CR2: variants seen among roughly 807,000 people sequenced by gnomAD.
CR2 encodes the protein complement receptor type 2.
Under a neutral mutation model 123.0 loss-of-function variants are expected in CR2, and 96 were observed. The observed-to-expected ratio is 0.78, with a 90% CI of 0.66 to 0.93. The LOEUF (loss-of-function observed/expected upper bound fraction) is 0.93, where lower values mean the gene tolerates loss of function less well. CR2 is among the 40% of genes least tolerant of loss of function. The pLI is 0.00. For synonymous variants in CR2, 484 were observed against 469.5 expected (o/e 1.03, Z -0.40); for missense variants, 1,258 against 1,361.0 (o/e 0.92, Z 1.19).
intron 1 of CR2, among the ~76,000 whole-genome samples, chr1:207,455,751 T>G (rs944679696): frequency 2.6e-5 from 4 of 152,232 alleles, no homozygotes; most frequent in Non-Finnish European, 4.4e-5. Flanking sequence ...CACCTATTTC[T>G]AAATTTCAAA....
chr1:207,488,534 G>C (rs1426339051), intron 19 of CR2, among the ~76,000 whole-genome samples: 1 of 152,186 alleles, frequency 6.6e-6, no homozygotes, highest in African/African-American at 2.4e-5. Context: ...TGAGGCAGGA[G>C]AATTGCTTGA....
intron 14 of CR2, among the ~76,000 whole-genome samples, chr1:207,475,678 C>T (rs551519783): frequency 6.6e-6 from 1 of 152,306 alleles, no homozygotes; most frequent in African/African-American, 2.4e-5. Context: ...TTATTCCTGT[C>T]CATGACTATC....
At position 207,469,837 on chromosome 1, in the gene CR2, G is replaced by C. The variant is rs1201556966; in HGVS notation, c.960G>C (p.Glu320Asp). Residue 320 changes from glutamate (E) to aspartate (D), a missense_variant, in exon 6 of 20, where the codon GAG becomes GAC. Glu to Asp is a conservative substitution (Grantham distance 45). Transcript: ENST00000367057. ...EEGVNFILIG[E>D]STLRCTVDSQ... ...GAGTGAACTTCATCCTTATTGGAGA[G>C]AGCACTCTCCGTTGTACAGTTGATA... is the stretch of plus-strand genomic sequence containing the variant. 6.2e-7 allele frequency: 1 copy of C among 1,613,866 alleles called. No homozygotes were observed. The highest frequency in any genetic ancestry group is 8.5e-7 in the Non-Finnish European group (1 of 1,179,948).
Position 207,454,543 on chromosome 1 carries a change from T to C in CR2, c.58+67T>C. On this transcript the variant is annotated intron_variant, in intron 1 of 19. Coordinates refer to ENST00000367057, the MANE Select transcript of CR2 (RefSeq NM_001006658.3). This position sits in a 1 kb window ranked among gnomAD's most constrained non-coding sequence, Gnocchi z 4.3. ...GGCAGGGAAAGTTTCTGTGCCGCGA[T>C]GCAAAGCAGGGGGCCAAAAGCGAGA... 2.4e-6 allele frequency: 3 copies of C among 1,260,674 alleles called. No homozygotes were observed. The highest frequency in any genetic ancestry group is 3.3e-6 in the Non-Finnish European group (3 of 921,844). 78.1% of individuals were successfully genotyped at this position (1,260,674 alleles called of 1,614,324 possible). A position where few individuals can be genotyped will look rare whatever the true frequency, so the allele number is the denominator to read the frequency against.
chr1:207,461,632 C>T (rs1657970514), intron 1 of CR2, among the ~76,000 whole-genome samples: 2 of 152,114 alleles, frequency 1.3e-5, no homozygotes, highest in Admixed American at 6.5e-5. Flanking sequence ...AAGTTTCTGC[C>T]AAGGTTTCCT....
rs573870406 is a variant in CR2, at chr1:207,483,876, AC to A, written c.3189-1587del. On this transcript the variant is annotated intron_variant, in intron 18 of 19. Transcript: ENST00000367057. Reference sequence around the variant, plus strand: ...AATGAAAGCTGTGGAACCAAAAAGAACAGAACAGATAAAAATTGGGATGAGA... The same window carrying A: ...AATGAAAGCTGTGGAACCAAAAAGAAAGAACAGATAAAAATTGGGATGAGA... Among the ~76,000 whole-genome samples, 8 of 152,312 alleles carry A rather than the reference AC, an allele frequency of 5.3e-5. No homozygotes were observed. In the East Asian group the frequency reaches 1.5e-3, roughly 29 times the overall value.
At chr1:207,476,529 G>T in intron 15 of CR2, 110 bp downstream of exon 15, 3 of 957,328 alleles carry the variant, frequency 3.1e-6, no homozygotes, top group Non-Finnish European at 1.6e-6. Flanking sequence ...TTAACTGTCT[G>T]ATTACATTAA....
chr1:207,475,694 C>A (rs1393400249), intron 14 of CR2, among the ~76,000 whole-genome samples: 1 of 152,228 alleles, frequency 6.6e-6, no homozygotes, highest in Admixed American at 6.5e-5. Flanking sequence ...CTATCTACAG[C>A]AGAGGCTGTT....
intron 1 of CR2, among the ~76,000 whole-genome samples, chr1:207,455,445 T>C (rs2102292979): frequency 6.6e-6 from 1 of 152,342 alleles, no homozygotes; most frequent in Middle Eastern, 3.4e-3. Context: ...TAGTCGTTAC[T>C]ACTAAATATC....
chr1:207,468,380 A>T, intron 2 of CR2, 147 bp from the exon 3 acceptor site: 1 of 704,182 alleles, frequency 1.4e-6, no homozygotes, highest in Non-Finnish European at 2.4e-6. Flanking sequence ...AGCTATCATT[A>T]GTGTTAGCGT....
rs546502518 is a variant in CR2, at chr1:207,474,145, C to T, written c.2241-96C>T. ...TTTTTACTAGAATTTCAACTCCTCT[C>T]TGCCAAAGTTCTTATTTAGAAGTCC... On this transcript the variant is annotated intron_variant, in intron 12 of 19. Coordinates refer to ENST00000367057, the MANE Select transcript of CR2 (RefSeq NM_001006658.3). 6.3e-6 allele frequency: 7 copies of T among 1,117,412 alleles called. No individual in the cohort carries two copies. The South Asian group carries it at 6.4e-5, about 10-fold the overall frequency. 69.2% of individuals were successfully genotyped at this position (1,117,412 alleles called of 1,614,324 possible).
chr1:207,478,637 G>C (rs1380131925), intron 16 of CR2, among the ~76,000 whole-genome samples: 2 of 149,430 alleles, frequency 1.3e-5, no homozygotes, highest in African/African-American at 2.5e-5. Flanking sequence ...AAAGAAAATA[G>C]AAACACTAAT....
At chr1:207,486,734 G>A (rs1658760024) in intron 19 of CR2, among the ~76,000 whole-genome samples, 1 of 152,186 alleles carries the variant, frequency 6.6e-6, no homozygotes, top group African/African-American at 2.4e-5. Flanking sequence ...TTCGTGGATA[G>A]TTTGTATCAG....
At chr1:207,482,434 A>G (rs1658629996) in intron 18 of CR2, among the ~76,000 whole-genome samples, 1 of 152,092 alleles carries the variant, frequency 6.6e-6, no homozygotes, top group Admixed American at 6.6e-5. Context: ...CTTTTAAAAC[A>G]TTTGAGCAGT....
At chr1:207,467,041 G>A in intron 2 of CR2, 129 bp downstream of exon 2, 1 of 1,165,318 alleles carries the variant, frequency 8.6e-7, no homozygotes. Flanking sequence ...GGAAACAAGG[G>A]AAAAGGTGAA....
chr1:207,474,137 A>G, intron 12 of CR2, 104 bp from the exon 13 acceptor site: 3 of 1,057,568 alleles, frequency 2.8e-6, no homozygotes, highest in Non-Finnish European at 4.4e-6. Flanking sequence ...TAGAATTTCA[A>G]CTCCTCTCTG....
At chr1:207,484,163 G>A (rs1302460450) in intron 18 of CR2, among the ~76,000 whole-genome samples, 2 of 152,288 alleles carry the variant, frequency 1.3e-5, no homozygotes, top group African/African-American at 4.8e-5. Flanking sequence ...AGCACTGCAT[G>A]TGTATAAAAA....
At chr1:207,457,621 C>T (rs191256595) in intron 1 of CR2, among the ~76,000 whole-genome samples, 5 of 152,306 alleles carry the variant, frequency 3.3e-5, no homozygotes, top group African/African-American at 1.2e-4. Flanking sequence ...CGCTACTGAC[C>T]CTTATGCTGA....
chr1:207,475,111 G>A lies in CR2; in HGVS notation c.2611G>A (p.Val871Met). 3 of 1,612,784 alleles carry A rather than the reference G, an allele frequency of 1.9e-6. No homozygotes were observed. Among genetic ancestry groups the A allele is most frequent in the Admixed American group, 3.3e-5 (2 of 59,932 alleles). The change falls in exon 14 of 20, where the codon GTG becomes ATG. Residue 871 changes from valine to methionine, a missense_variant. Physicochemically the swap from Val to Met is conservative, Grantham distance 21. Coordinates refer to ENST00000367057, the MANE Select transcript of CR2 (RefSeq NM_001006658.3). ...THSAYSHNDI[V>M]YVDCNPGFIM... ...TTCTGCATATTCCCACAATGACATA[G>A]TGTATGTTGACTGCAATCCTGGCTT...
Sources: gnomAD v4.1 joint callset for allele counts (sites outside exome capture counted in the v4.1 genomes callset) on GRCh38, gnomAD v4.1.1 for gene constraint, Gnocchi (gnomAD v3.1) non-coding constraint, MANE v1.5 for transcripts, NCBI Gene and HGNC (gene_info 2026-07-23, HGNC 2026-07-21) for gene names.